SH3GLB1: variants seen among roughly 807,000 people sequenced by gnomAD.
SH3GLB1 encodes SH3 domain containing GRB2 like, endophilin B1.
A neutral mutation model predicts 42.0 loss-of-function variants in SH3GLB1; 17 were observed. The observed-to-expected ratio is 0.40, with a 90% CI of 0.28 to 0.61. The LOEUF is 0.61. Ranked by LOEUF, SH3GLB1 falls within the 20% of genes least tolerant of loss-of-function variation. The pLI is 0.36. For synonymous variants in SH3GLB1, 132 were observed against 146.6 expected (o/e 0.90, Z 0.72); for missense variants, 355 against 426.3 (o/e 0.83, Z 1.47).
In SH3GLB1 at chr1:86,743,173, A is replaced by T; in HGVS notation, c.1036A>T (p.Met346Leu). ...TGTTGGAATGGATTCAGACTGGCTAATGGGGGAAAGGGGAAACCAGAAGGG... is the reference window on the plus strand; with the variant it reads ...TGTTGGAATGGATTCAGACTGGCTATTGGGGGAAAGGGGAAACCAGAAGGG... ...SVVGMDSDWL[M>L]GERGNQKGKV... Residue 346 changes from methionine to leucine, a missense_variant, in exon 9 of 9, where the codon ATG (methionine) becomes TTG (leucine). Coordinates refer to ENST00000370558, the MANE Select transcript of SH3GLB1 (RefSeq NM_016009.5). 6.2e-7 allele frequency: 1 copy of T among 1,613,720 alleles called. No individual in the cohort carries two copies. Among genetic ancestry groups the T allele is most frequent in the Non-Finnish European group, 8.5e-7 (1 of 1,179,886 alleles).
chr1:86,715,200 G>A (rs1654438572), intron 1 of SH3GLB1, among the ~76,000 whole-genome samples: 1 of 151,296 alleles, frequency 6.6e-6, no homozygotes, highest in Admixed American at 6.6e-5. Context: ...ATAATTACAA[G>A]GCACCAAACA....
At chr1:86,712,773 A>T (rs957553510) in intron 1 of SH3GLB1, among the ~76,000 whole-genome samples, 71 of 152,098 alleles carry the variant, frequency 4.7e-4, no homozygotes, top group Non-Finnish European at 1.5e-4. Flanking sequence ...TTAAAAAAAA[A>T]AAACCTACTA....
chr1:86,716,987 T>TA lies in SH3GLB1; in HGVS notation c.214+1123dup, dbSNP rs1654575101. Among the ~76,000 whole-genome samples the TA allele has an allele frequency of 3.3e-5, 5 of 152,340 alleles. No homozygotes were observed. The South Asian group carries it at 6.2e-4, about 19-fold the overall frequency. ...AGTTAAATAGTAGTGACTTTTTAAA[T>TA]ACACCTTTTGGTTGAAAAACTTAAC... is the stretch of plus-strand genomic sequence containing the variant. On this transcript the variant is annotated intron_variant, in intron 2 of 8. Coordinates refer to ENST00000370558, the MANE Select transcript of SH3GLB1 (RefSeq NM_016009.5).
rs1381331926 is a variant in SH3GLB1, at chr1:86,744,393, C to G, written c.*1158C>G. ...TGTCCTGAACAATATGCACACAGTT[C>G]TTGCCCCTGCAGAGCTTAAAGACCA... is the stretch of plus-strand genomic sequence containing the variant. On this transcript the variant is annotated 3_prime_UTR_variant, in exon 9 of 9. Coordinates refer to ENST00000370558, the MANE Select transcript of SH3GLB1 (RefSeq NM_016009.5). 1 of 152,166 alleles carries G rather than the reference C, an allele frequency of 6.6e-6. No individual in the cohort carries two copies. The highest frequency in any genetic ancestry group is 1.5e-5 in the Non-Finnish European group (1 of 68,032). 9.4% of individuals were successfully genotyped at this position (152,166 alleles called of 1,614,324 possible). A position where few individuals can be genotyped will look rare whatever the true frequency, so the allele number is the denominator to read the frequency against.
At position 86,715,563 on chromosome 1, in the gene SH3GLB1, G is replaced by A. The variant is rs370076321; in HGVS notation, c.73-161G>A. Among the ~76,000 whole-genome samples, 17 of 152,036 alleles carry A rather than the reference G, an allele frequency of 1.1e-4. No homozygotes were observed. The East Asian group carries it at 1.3e-3, about 12-fold the overall frequency. On this transcript the variant is annotated intron_variant, in intron 1 of 8. Transcript: ENST00000370558. The stretch of plus-strand genomic sequence containing the variant: ...AAAGAAGTATGGATAAATTACCATA[G>A]GAGCAAAAAAAAGTATTCATAAGCA...
intron 1 of SH3GLB1, among the ~76,000 whole-genome samples, chr1:86,710,613 A>G (rs1276759650): frequency 1.3e-5 from 2 of 152,172 alleles, no homozygotes; most frequent in African/African-American, 2.4e-5. Context: ...AATTAATCCT[A>G]AACTCTTAAC....
chr1:86,733,318 C>T (rs1376936890), intron 5 of SH3GLB1, among the ~76,000 whole-genome samples: 1 of 152,214 alleles, frequency 6.6e-6, no homozygotes, highest in Admixed American at 6.5e-5. Context: ...TGATTATCTA[C>T]TTTGCTGCTA....
chr1:86,716,448 T>G (rs1654540361), intron 2 of SH3GLB1, among the ~76,000 whole-genome samples: 1 of 152,080 alleles, frequency 6.6e-6, no homozygotes, highest in Admixed American at 6.6e-5. Context: ...CTAATTTTTT[T>G]TTGTGTGTGT....
At chr1:86,739,734 A>G (rs1010504439) in intron 7 of SH3GLB1, among the ~76,000 whole-genome samples, 7 of 152,122 alleles carry the variant, frequency 4.6e-5, no homozygotes, top group African/African-American at 1.7e-4. Context: ...TGGAGAAAAT[A>G]TGATAATGTG....
At chr1:86,738,252 G>GTTTGT (rs1553210565) in intron 7 of SH3GLB1, among the ~76,000 whole-genome samples, 44 of 103,196 alleles carry the variant, frequency 4.3e-4, no homozygotes, top group East Asian at 4.1e-3. Flanking sequence ...TTTTTTGTTT[G>GTTTGT]TTTGTTTTGT....
chr1:86,707,644 A>ATTTT (rs948807467), intron 1 of SH3GLB1, among the ~76,000 whole-genome samples: 58 of 116,510 alleles, frequency 5.0e-4, no homozygotes, highest in South Asian at 8.2e-4. Context: ...TTTACAGGGT[A>ATTTT]TTTTTTTTTT....
chr1:86,731,938 G>T (rs552177178), intron 5 of SH3GLB1, among the ~76,000 whole-genome samples: 1 of 152,168 alleles, frequency 6.6e-6, no homozygotes, highest in South Asian at 2.1e-4. Context: ...AATTAGCCAG[G>T]CATGGTGTCC....
At chr1:86,724,255 T>C (rs1655032112) in intron 4 of SH3GLB1, 58 bp from the exon 5 acceptor site, 8 of 1,196,768 alleles carry the variant, frequency 6.7e-6, no homozygotes, top group East Asian at 5.0e-5. Flanking sequence ...TAAATGTGTA[T>C]GCTCTTAACA....
intron 4 of SH3GLB1, among the ~76,000 whole-genome samples, chr1:86,723,838 G>A (rs1655006174): frequency 6.6e-6 from 1 of 152,146 alleles, no homozygotes; most frequent in East Asian, 1.9e-4. Flanking sequence ...GGCACTTTCT[G>A]GATAATCTGT....
chr1:86,732,112 T>C (rs1655541949), intron 5 of SH3GLB1, among the ~76,000 whole-genome samples: 1 of 152,320 alleles, frequency 6.6e-6, no homozygotes, highest in East Asian at 1.9e-4. Flanking sequence ...TTTACATTCC[T>C]GGAGTATTTT....
chr1:86,707,434 A>C (rs1653933416), intron 1 of SH3GLB1, among the ~76,000 whole-genome samples: 1 of 152,192 alleles, frequency 6.6e-6, no homozygotes, highest in Admixed American at 6.5e-5. Flanking sequence ...TGAAGGTTCC[A>C]AATTATCCAG....
rs542304053 is a variant in SH3GLB1 at position 86,744,026 on chromosome 1, G to A, written c.*791G>A. On this transcript the variant is annotated 3_prime_UTR_variant, in exon 9 of 9. Coordinates refer to ENST00000370558, the MANE Select transcript of SH3GLB1 (RefSeq NM_016009.5). The stretch of plus-strand genomic sequence containing the variant: ...GATTGGATCCATTTACTGTACTGTG[G>A]TACAGTAAAGAGAATGTGTTCTTAT... 1 of 152,400 alleles carries A rather than the reference G, an allele frequency of 6.6e-6. No homozygotes were observed. Among genetic ancestry groups the A allele is most frequent in the African/African-American group, 2.4e-5 (1 of 41,378 alleles). 9.4% of individuals were successfully genotyped at this position (152,400 alleles called of 1,614,324 possible).
rs1306045032 is a variant in SH3GLB1, at chr1:86,747,182, G to C, written c.*3947G>C. ...GTATATCTGTCACTCTAGAATGTAG[G>C]CTCCCTGAGATAAAAACTATAATTC... On this transcript the variant is annotated 3_prime_UTR_variant, in exon 9 of 9. Coordinates refer to ENST00000370558, the MANE Select transcript of SH3GLB1 (RefSeq NM_016009.5). The C allele has an allele frequency of 6.6e-6, 1 of 152,426 alleles. No individual in the cohort carries two copies. The highest frequency in any genetic ancestry group is 1.5e-5 in the Non-Finnish European group (1 of 68,012). The allele number at this position is 152,426 out of a possible 1,614,324, so 9.4% of individuals were successfully genotyped here.
At chr1:86,741,825 C>T (rs950562705) in intron 7 of SH3GLB1, among the ~76,000 whole-genome samples, 3 of 151,958 alleles carry the variant, frequency 2.0e-5, no homozygotes, top group African/African-American at 7.2e-5. Flanking sequence ...TTAAGAAAGC[C>T]TCATACTTGT....
Sources: gnomAD v4.1 joint callset for allele counts (sites outside exome capture counted in the v4.1 genomes callset) on GRCh38, gnomAD v4.1.1 for gene constraint, MANE v1.5 for transcripts, NCBI Gene and HGNC (gene_info 2026-07-23, HGNC 2026-07-21) for gene names.